The following CLASP1 variants were observed in gnomAD, a reference collection of about 807,000 sequenced individuals.
CLASP1 encodes cytoplasmic linker associated protein 1, also known as CLIP-associating protein 1.
In CLASP1, 38 loss-of-function variants were observed where a neutral mutation model predicts 192.3. The ratio of observed to expected loss-of-function variants is 0.20; its 90% CI spans 0.15 to 0.26. CLASP1 has a LOEUF of 0.26. CLASP1 is among the 10% of genes least tolerant of loss of function. The pLI, the probability that CLASP1 is intolerant of heterozygous loss-of-function variation, is 1.00. For synonymous variants in CLASP1, 691 were observed against 712.8 expected (o/e 0.97, Z 0.49); for missense variants, 1,433 against 1,932.5 (o/e 0.74, Z 4.85).
rs1324459764 is a variant in CLASP1, at chr2:121,508,192, G to A, written c.645-4958C>T. On this transcript the variant is annotated intron_variant, in intron 7 of 39. Transcript: ENST00000263710. ...TAATTATAGAACTATATGCACTGGT[G>A]GGCTTATAATGTATAAAGATGTAAT... 3.9e-5 allele frequency among the ~76,000 whole-genome samples: 6 copies of A among 152,120 alleles called. No individual in the cohort carries two copies. In the East Asian group the frequency reaches 9.6e-4, roughly 24 times the overall value.
chr2:121,531,091 G>C (rs370015317), intron 2 of CLASP1: 93 of 658,698 alleles, frequency 1.4e-4, no homozygotes, highest in Non-Finnish European at 2.1e-4. Context: ...AACCAGTAGA[G>C]GGTGCACAAG....
In CLASP1 at chr2:121,530,954, A is replaced by C. The variant is rs950868962; in HGVS notation, c.196-629T>G. 12 of 700,312 alleles carry C rather than the reference A, an allele frequency of 1.7e-5. No individual in the cohort carries two copies. Among genetic ancestry groups the C allele is most frequent in the African/African-American group, 3.5e-5 (2 of 57,190 alleles). The allele number at this position is 700,312 out of a possible 1,614,324, so 43.4% of individuals were successfully genotyped here. ...GGGCAGTACTGCTAACGCCTGAACA[A>C]CACACCCGCATCAACTAGAGCTTTT... On this transcript the variant is annotated intron_variant, in intron 2 of 39. Transcript: ENST00000263710.
At chr2:121,345,411 C>G (rs2063329525) in intron 39 of CLASP1, among the ~76,000 whole-genome samples, 1 of 152,198 alleles carries the variant, frequency 6.6e-6, no homozygotes, top group Non-Finnish European at 1.5e-5. Context: ...TGGGACAACT[C>G]TCTTACTCAA....
chr2:121,610,887 G>A (rs2065280346), intron 1 of CLASP1, among the ~76,000 whole-genome samples: 1 of 148,962 alleles, frequency 6.7e-6, no homozygotes, highest in South Asian at 2.1e-4. Flanking sequence ...AGCTGGCGGA[G>A]GAAGAGGAGT....
At chr2:121,496,955 T>C (rs184952774) in intron 8 of CLASP1, among the ~76,000 whole-genome samples, 56 of 152,290 alleles carry the variant, frequency 3.7e-4, no homozygotes, top group Non-Finnish European at 6.3e-4. Flanking sequence ...CATCATATTA[T>C]ATAAAATAAG....
At chr2:121,425,144 C>A in exon 22 of CLASP1, 1 of 1,610,686 alleles carries the variant, frequency 6.2e-7, no homozygotes, top group South Asian at 1.1e-5. Context: ...CTTACCTAAT[C>A]CTATTCGGTT....
intron 34 of CLASP1, among the ~76,000 whole-genome samples, chr2:121,375,856 T>A (rs1044933133): frequency 1.3e-4 from 20 of 152,162 alleles, no homozygotes; most frequent in Admixed American, 1.1e-3. Context: ...GCTCACTATT[T>A]TTATTACATC....
intron 2 of CLASP1, among the ~76,000 whole-genome samples, 152 bp downstream of exon 2, chr2:121,605,549 A>C (rs1447294950): frequency 6.6e-6 from 1 of 152,204 alleles, no homozygotes; most frequent in Non-Finnish European, 1.5e-5. Flanking sequence ...TTTCTCCAGA[A>C]TGAAATAACC....
intron 2 of CLASP1, among the ~76,000 whole-genome samples, chr2:121,566,342 A>C (rs567578639): frequency 5.4e-4 from 82 of 152,332 alleles, no homozygotes; most frequent in African/African-American, 1.9e-3. Flanking sequence ...ATTACTTTGC[A>C]AACTGTATTG....
At chr2:121,642,177 G>C (rs1179642184) in intron 1 of CLASP1, among the ~76,000 whole-genome samples, 1 of 151,958 alleles carries the variant, frequency 6.6e-6, no homozygotes, top group Non-Finnish European at 1.5e-5. Context: ...CAGCACTTTG[G>C]GAGGGTGAGG....
At chr2:121,523,538 G>A (rs1425772979) in intron 6 of CLASP1, among the ~76,000 whole-genome samples, 7 of 152,196 alleles carry the variant, frequency 4.6e-5, no homozygotes, top group Non-Finnish European at 7.3e-5. Context: ...AACCTGTGAA[G>A]AGTAGGGCAT....
At chr2:121,390,205 A>G (rs1249870406) in intron 30 of CLASP1, among the ~76,000 whole-genome samples, 4 of 152,204 alleles carry the variant, frequency 2.6e-5, no homozygotes, top group African/African-American at 7.2e-5. Context: ...CACCAATATG[A>G]TCTCATTAAA....
At chr2:121,431,821 T>C (rs1291570465) in intron 19 of CLASP1, among the ~76,000 whole-genome samples, 1 of 152,130 alleles carries the variant, frequency 6.6e-6, no homozygotes, top group African/African-American at 2.4e-5. Context: ...TTTAGAACGT[T>C]TTTAAATTAT....
chr2:121,530,214 G>A (rs569336368), intron 3 of CLASP1, 33 bp downstream of exon 3: 8 of 1,537,274 alleles, frequency 5.2e-6, no homozygotes, highest in Non-Finnish European at 7.0e-6. Flanking sequence ...GGTCTGAAGG[G>A]GCCGGGTCCG....
chr2:121,455,793 T>TA (rs1364094379), intron 14 of CLASP1, among the ~76,000 whole-genome samples: 4 of 151,832 alleles, frequency 2.6e-5, no homozygotes, highest in South Asian at 2.1e-4. Flanking sequence ...GCCCAGGAGT[T>TA]AGAGATTGCA....
At chr2:121,438,639 T>C (rs1459404462) in intron 19 of CLASP1, among the ~76,000 whole-genome samples, 4 of 152,166 alleles carry the variant, frequency 2.6e-5, no homozygotes, top group African/African-American at 9.7e-5. Flanking sequence ...CATTTATTGA[T>C]TTGCGTATAT....
chr2:121,642,820 T>A (rs752304603), intron 1 of CLASP1, among the ~76,000 whole-genome samples: 1 of 152,164 alleles, frequency 6.6e-6, no homozygotes, highest in Non-Finnish European at 1.5e-5. Context: ...TACTATGTAA[T>A]TATAAGAAAA....
chr2:121,599,802 C>G (rs1223659222), intron 2 of CLASP1, among the ~76,000 whole-genome samples: 4 of 151,270 alleles, frequency 2.6e-5, no homozygotes, highest in Non-Finnish European at 5.9e-5. Flanking sequence ...CACCTGTAAT[C>G]CCAGCTACTC....
At chr2:121,644,341 A>G (rs928629801) in intron 1 of CLASP1, among the ~76,000 whole-genome samples, 3 of 151,636 alleles carry the variant, frequency 2.0e-5, no homozygotes, top group Non-Finnish European at 2.9e-5. Flanking sequence ...CTGCATTTAA[A>G]GGACATTAAA....
Sources: gnomAD v4.1 joint callset for allele counts (sites outside exome capture counted in the v4.1 genomes callset) on GRCh38, gnomAD v4.1.1 for gene constraint, MANE v1.5 for transcripts, NCBI Gene and HGNC (gene_info 2026-07-23, HGNC 2026-07-21) for gene names.